The following FAM81A variants were observed in gnomAD, a reference collection of about 807,000 sequenced individuals.
FAM81A encodes the protein family with sequence similarity 81 member A.
In FAM81A, 19 loss-of-function variants were observed where a neutral mutation model predicts 46.7. The ratio of observed to expected loss-of-function variants is 0.41; its 90% confidence interval spans 0.28 to 0.60. The LOEUF is 0.60. Among genes scored for constraint, FAM81A ranks in the 20% least tolerant of loss-of-function variants. The probability of loss-of-function intolerance (pLI) is 0.34; values close to 1 mark genes in which losing one functional copy is unlikely to be tolerated. For synonymous variants in FAM81A, 183 were observed against 152.9 expected (o/e 1.20, Z -1.45); for missense variants, 377 against 453.5 (o/e 0.83, Z 1.53).
intron 1 of FAM81A, among the ~76,000 whole-genome samples, chr15:59,399,379 T>G (rs1355811513): frequency 1.3e-5 from 2 of 152,034 alleles, no homozygotes; most frequent in African/African-American, 4.8e-5. Context: ...TACCAAGCAC[T>G]TTATGCTCAG....
intron 4 of FAM81A, among the ~76,000 whole-genome samples, chr15:59,503,546 A>G (rs1192657903): frequency 6.6e-6 from 1 of 151,962 alleles, no homozygotes; most frequent in East Asian, 1.9e-4. Context: ...ATTCTGCTAC[A>G]TCTATGTACT....
chr15:59,435,866 G>C (rs971814438), upstream of FAM81A, among the ~76,000 whole-genome samples: 14 of 152,196 alleles, frequency 9.2e-5, no homozygotes, highest in African/African-American at 2.9e-4. Context: ...AGTGATTCTG[G>C]AAAAAATGGA....
chr15:59,473,679 C>T (rs1228972023), intron 3 of FAM81A, among the ~76,000 whole-genome samples: 1 of 152,126 alleles, frequency 6.6e-6, no homozygotes, highest in African/African-American at 2.4e-5. Context: ...TTACCGTCCC[C>T]TCCAGGTAAA....
At chr15:59,413,381 T>C (rs1334379462) in intron 2 of FAM81A, among the ~76,000 whole-genome samples, 1 of 150,296 alleles carries the variant, frequency 6.7e-6, no homozygotes, top group Non-Finnish European at 1.5e-5. Flanking sequence ...ACTGACCATC[T>C]CTAGCCAGGG....
At chr15:59,486,084 C>T (rs2081913670) in intron 3 of FAM81A, among the ~76,000 whole-genome samples, 1 of 152,112 alleles carries the variant, frequency 6.6e-6, no homozygotes, top group South Asian at 2.1e-4. Flanking sequence ...GAGGCTGAGG[C>T]AGGAGAATCG....
chr15:59,480,672 C>G (rs562636411), intron 3 of FAM81A, among the ~76,000 whole-genome samples: 1 of 152,176 alleles, frequency 6.6e-6, no homozygotes, highest in South Asian at 2.1e-4. Flanking sequence ...GAGGGTATGC[C>G]TGATGCTCAG....
At chr15:59,494,117 A>G (rs1156654344) in intron 4 of FAM81A, among the ~76,000 whole-genome samples, 1 of 152,208 alleles carries the variant, frequency 6.6e-6, no homozygotes. Context: ...GGAAAACAGT[A>G]GATACTCAAC....
At chr15:59,487,938 C>G (rs1430045593) in intron 3 of FAM81A, among the ~76,000 whole-genome samples, 1 of 149,430 alleles carries the variant, frequency 6.7e-6, no homozygotes. Flanking sequence ...ATTAAAGATG[C>G]AAAACAAAAA....
At chr15:59,409,113 C>G (rs1168279874) in intron 2 of FAM81A, 5 of 152,164 alleles carry the variant, frequency 3.3e-5, no homozygotes, top group Non-Finnish European at 7.3e-5. Context: ...TAGCTCCTAC[C>G]TGAAAGGGGA....
intron 3 of FAM81A, among the ~76,000 whole-genome samples, chr15:59,474,365 G>T (rs1471323729): frequency 6.6e-6 from 1 of 152,186 alleles, no homozygotes; most frequent in Non-Finnish European, 1.5e-5. Context: ...CAAGCCCAAG[G>T]CACTGGCATT....
intron 2 of FAM81A, among the ~76,000 whole-genome samples, chr15:59,403,519 A>G (rs1170438581): frequency 6.6e-6 from 1 of 152,200 alleles, no homozygotes; most frequent in Non-Finnish European, 1.5e-5. Flanking sequence ...CCAGCCTCGA[A>G]CTGGGAGAAT....
At chr15:59,402,694 A>G (rs996495083) in intron 2 of FAM81A, among the ~76,000 whole-genome samples, 10 of 134,354 alleles carry the variant, frequency 7.4e-5, no homozygotes, top group African/African-American at 2.7e-4. Context: ...GCATGTCCCA[A>G]CAAGCCTGGA....
chr15:59,400,845 CAT>C (rs1411375795), intron 1 of FAM81A, among the ~76,000 whole-genome samples: 1 of 152,166 alleles, frequency 6.6e-6, no homozygotes, highest in Non-Finnish European at 1.5e-5. Context: ...TCTTAATACA[CAT>C]GTTGGTTTAT....
In FAM81A at chr15:59,492,399, C is replaced by A; in HGVS notation, c.413+10C>A. 1 of 1,605,968 alleles carries A rather than the reference C, an allele frequency of 6.2e-7. No individual in the cohort carries two copies. The highest frequency in any genetic ancestry group is 1.1e-5 in the South Asian group (1 of 90,140). ...GAGGAAGAGTGGCAAGGTAGGTGTTCAAATGTTGGGGTCTCTGCTCATCAA... is the reference window on the plus strand; with the variant it reads ...GAGGAAGAGTGGCAAGGTAGGTGTTAAAATGTTGGGGTCTCTGCTCATCAA... On this transcript the variant is annotated intron_variant, in intron 4 of 8. Transcript: ENST00000288228.
At chr15:59,455,600 T>G (rs1239610731) in intron 1 of FAM81A, among the ~76,000 whole-genome samples, 1 of 152,216 alleles carries the variant, frequency 6.6e-6, no homozygotes, top group East Asian at 1.9e-4. Flanking sequence ...CTGCCAGATA[T>G]GCAGATCCTC....
intron 1 of FAM81A, chr15:59,401,672 C>T (rs1240149927): frequency 1.4e-5 from 11 of 810,972 alleles, no homozygotes; most frequent in Admixed American, 1.2e-4. Context: ...CTTCTCTTTT[C>T]GTTTCTGTTT....
intron 2 of FAM81A, among the ~76,000 whole-genome samples, chr15:59,427,184 C>T (rs1288460137): frequency 3.9e-5 from 6 of 152,182 alleles, no homozygotes; most frequent in Non-Finnish European, 8.8e-5. Flanking sequence ...GATCTCGGCT[C>T]ACTGCAGCCT....
intron 3 of FAM81A, among the ~76,000 whole-genome samples, chr15:59,481,491 A>T (rs1426731433): frequency 6.6e-6 from 1 of 152,054 alleles, no homozygotes; most frequent in East Asian, 1.9e-4. Flanking sequence ...CAAAACTTTC[A>T]CATTCTAGTA....
At chr15:59,399,954 A>C (rs2081063111) in intron 1 of FAM81A, among the ~76,000 whole-genome samples, 1 of 152,192 alleles carries the variant, frequency 6.6e-6, no homozygotes, top group Admixed American at 6.5e-5. Context: ...AAGTATCTTC[A>C]GTGAGTAACT....
Sources: gnomAD v4.1 joint callset for allele counts (sites outside exome capture counted in the v4.1 genomes callset) on GRCh38, gnomAD v4.1.1 for gene constraint, MANE v1.5 for transcripts, NCBI Gene and HGNC (gene_info 2026-07-23, HGNC 2026-07-21) for gene names.